The following SMPX variants were observed in gnomAD, a reference collection of about 807,000 sequenced individuals.
SMPX encodes small muscle protein X-linked.
In SMPX, 2 loss-of-function variants were observed where a neutral mutation model predicts 6.3. The observed-to-expected ratio is 0.32, with a 90% CI of 0.13 to 0.99. SMPX has a LOEUF of 0.99. Ranked by LOEUF, SMPX falls within the 50% of genes least tolerant of loss-of-function variation. The pLI is 0.49. For synonymous variants in SMPX, 32 were observed against 24.7 expected, an observed-to-expected ratio of 1.30 and a Z score of -0.88; for missense variants, 60 against 66.8, an observed-to-expected ratio of 0.90 and a Z score of 0.36.
At chrX:21,707,421 A>G (rs759823524) in intron 4 of SMPX, among the ~76,000 whole-genome samples, 28 of 112,156 alleles carry the variant, frequency 2.5e-4, no homozygotes, top group South Asian at 7.6e-4. Context: ...TGATTTAAGT[A>G]ATTCTAAACT....
At chrX:21,728,340 A>G (rs1018659275) in intron 4 of SMPX, among the ~76,000 whole-genome samples, 3 of 107,366 alleles carry the variant, frequency 2.8e-5, no homozygotes, top group African/African-American at 1.0e-4. Context: ...AGAGCAAATT[A>G]TTTGTGCTTC....
chrX:21,712,414 A>T (rs2092779802), intron 4 of SMPX, among the ~76,000 whole-genome samples: 1 of 112,300 alleles, frequency 8.9e-6, no homozygotes, highest in Non-Finnish European at 1.9e-5. Flanking sequence ...GACCATAAGG[A>T]AAAGGCAAAT....
Position 21,731,574 on chromosome X carries a change from GTGTA to G in SMPX, c.*14+5971_*14+5974del, listed in dbSNP as rs1325255839. Among the ~76,000 whole-genome samples the G allele has an allele frequency of 2.8e-3, 263 of 93,666 alleles. 20 individuals are homozygous for G. Among genetic ancestry groups the G allele is most frequent in the Middle Eastern group, 7.4e-3 (1 of 135 alleles). 81.3% of individuals were successfully genotyped at this position (93,666 alleles called of 115,157 possible). ...GTATATATACACATTATGTGTATAT[GTGTA>G]TATGTGTATATGTACACATTAATGT... On this transcript the variant is annotated intron_variant, in intron 4 of 4. Transcript: ENST00000379494.
intron 2 of SMPX, among the ~76,000 whole-genome samples, chrX:21,746,649 G>GT (rs1569308960): frequency 1.2e-4 from 8 of 68,007 alleles, no homozygotes; most frequent in East Asian, 6.0e-4. Flanking sequence ...AACTTAAATG[G>GT]GTTTTTTTTT....
chrX:21,726,747 T>C (rs2092797388), intron 4 of SMPX, among the ~76,000 whole-genome samples: 1 of 112,016 alleles, frequency 8.9e-6, no homozygotes, highest in Non-Finnish European at 1.9e-5. Flanking sequence ...TTCCTCAGGG[T>C]GGACAGCAGA....
At chrX:21,748,850 T>C (rs745327235) in intron 2 of SMPX, among the ~76,000 whole-genome samples, 13 of 112,824 alleles carry the variant, frequency 1.2e-4, no homozygotes, top group Non-Finnish European at 2.3e-4. Flanking sequence ...GATTTTTAGC[T>C]TTAATCAATC....
chrX:21,727,149 C>G (rs1011994979), intron 4 of SMPX: 17 of 112,469 alleles, frequency 1.5e-4, no homozygotes, highest in African/African-American at 4.5e-4. Context: ...TGAATTTATC[C>G]AAGCACTTTA....
intron 2 of SMPX, among the ~76,000 whole-genome samples, chrX:21,749,607 G>T (rs763587906): frequency 1.8e-5 from 2 of 111,812 alleles, no homozygotes; most frequent in African/African-American, 6.5e-5. Context: ...CTGAATAATT[G>T]ATTTTAGGGC....
chrX:21,750,732 A>C (rs746938844), intron 2 of SMPX, among the ~76,000 whole-genome samples: 109 of 111,880 alleles, frequency 9.7e-4, no homozygotes, highest in Non-Finnish European at 1.9e-3. Context: ...TTCAGTGTGG[A>C]TGTGAAAGAC....
chrX:21,728,493 G>T (rs968345661), intron 4 of SMPX, among the ~76,000 whole-genome samples: 4 of 111,740 alleles, frequency 3.6e-5, no homozygotes, highest in Admixed American at 2.9e-4. Flanking sequence ...ATATGTGAAT[G>T]AATAAACAAA....
intron 4 of SMPX, among the ~76,000 whole-genome samples, chrX:21,720,252 T>C (rs902985821): frequency 1.8e-5 from 2 of 111,664 alleles, no homozygotes; most frequent in Admixed American, 1.9e-4. Flanking sequence ...CCAGGGAGAG[T>C]TGACTGCCAT....
At chrX:21,741,866 G>A (rs1291910059) in intron 3 of SMPX, among the ~76,000 whole-genome samples, 2 of 112,179 alleles carry the variant, frequency 1.8e-5, no homozygotes, top group Non-Finnish European at 3.8e-5. Context: ...AAAAATACTA[G>A]TTGGCCATTT....
At chrX:21,709,292 G>C (rs140537694) in intron 4 of SMPX, among the ~76,000 whole-genome samples, 1 of 111,466 alleles carries the variant, frequency 9.0e-6, no homozygotes, top group East Asian at 2.8e-4. Flanking sequence ...GTAATGACAA[G>C]AGCCTTTGGG....
rs763319413 is a variant in SMPX, at chrX:21,727,471, T to G, written c.*14+10078A>C. On this transcript the variant is annotated intron_variant, in intron 4 of 4. Coordinates refer to ENST00000379494, the MANE Select transcript of SMPX (RefSeq NM_014332.3). ...AGGATTCTATTACATCGGTGACAGGTGGAAGGAAGTGCCACTATCTTCTAG... is the reference window on the plus strand; with the variant it reads ...AGGATTCTATTACATCGGTGACAGGGGGAAGGAAGTGCCACTATCTTCTAG... 3.6e-5 allele frequency: 4 copies of G among 111,943 alleles called. No individual in the cohort carries two copies. In the East Asian group the frequency reaches 8.4e-4, roughly 24 times the overall value. The allele number at this position is 111,943 out of a possible 1,213,427, so 9.2% of individuals were successfully genotyped here. A position where few individuals can be genotyped will look rare whatever the true frequency, so the allele number is the denominator to read the frequency against.
chrX:21,717,677 T>A (rs2092786757), intron 4 of SMPX, among the ~76,000 whole-genome samples: 2 of 111,955 alleles, frequency 1.8e-5, no homozygotes, highest in Admixed American at 1.9e-4. Flanking sequence ...AGAAGGAAAA[T>A]CAGACAGAAT....
At position 21,731,550 on chromosome X, in the gene SMPX, T is replaced by TAC. The variant is rs1471039774; in HGVS notation, c.*14+5998_*14+5999insGT. On this transcript the variant is annotated intron_variant, in intron 4 of 4. Coordinates refer to ENST00000379494, the MANE Select transcript of SMPX (RefSeq NM_014332.3). ...CACATACACATTATGTGTGTATGTG[T>TAC]ATATATACACATTATGTGTATATGT... Among the ~76,000 whole-genome samples, 5 of 77,956 alleles carry TAC rather than the reference T, an allele frequency of 6.4e-5. 1 individual carries two copies. The highest frequency in any genetic ancestry group is 2.1e-4 in the African/African-American group (5 of 24,074). The allele number at this position is 77,956 out of a possible 115,157, so 67.7% of individuals were successfully genotyped here.
chrX:21,751,082 C>T (rs1160752389), intron 2 of SMPX, among the ~76,000 whole-genome samples: 1 of 112,103 alleles, frequency 8.9e-6, no homozygotes, highest in Non-Finnish European at 1.9e-5. Flanking sequence ...TCAAAAGTAA[C>T]TTAAATTCAC....
intron 4 of SMPX, among the ~76,000 whole-genome samples, chrX:21,736,168 C>T (rs890776808): frequency 1.1e-4 from 12 of 112,646 alleles, no homozygotes; most frequent in African/African-American, 3.9e-4. Flanking sequence ...AACCTGCAAA[C>T]ATCCTAGTAA....
At position 21,719,540 on chromosome X, in the gene SMPX, A is replaced by AAAAGAAAG. The variant is rs377515861; in HGVS notation, c.*15-13154_*15-13147dup. On this transcript the variant is annotated intron_variant, in intron 4 of 4. Transcript: ENST00000379494. ...CAAAAAAAAAAAGAAGAAGAAGAAGAAAAGAAAGAAAGAAAGAAAGAAAGA... is the reference window on the plus strand; with the variant it reads ...CAAAAAAAAAAAGAAGAAGAAGAAGAAAAGAAAGAAAGAAAGAAAGAAAGAAAGAAAGA... 2.7e-3 allele frequency among the ~76,000 whole-genome samples: 298 copies of AAAAGAAAG among 108,868 alleles called. 1 individual carries two copies. The highest frequency in any genetic ancestry group is 8.9e-3 in the African/African-American group (260 of 29,259). The allele number at this position is 108,868 out of a possible 115,157, so 94.5% of individuals were successfully genotyped here.
Sources: allele counts gnomAD v4.1 joint callset (sites outside exome capture counted in the v4.1 genomes callset), GRCh38; gene constraint gnomAD v4.1.1; transcripts MANE v1.5; gene names NCBI Gene and HGNC (gene_info 2026-07-23, HGNC 2026-07-21).